Variants in GLDC observed in about 807,000 individuals in gnomAD.
GLDC encodes glycine decarboxylase.
In GLDC, 104 loss-of-function variants were observed where a neutral mutation model predicts 121.3. That is an observed-to-expected ratio of 0.86 (90% CI 0.73 to 1.01). The LOEUF is 1.01. GLDC is among the 50% of genes least tolerant of loss of function. The pLI is 0.00. For missense variants in GLDC, 1,429 were observed against 1,306.6 expected, an observed-to-expected ratio of 1.09 and a Z score of -1.44; for synonymous variants, 546 against 480.6, an observed-to-expected ratio of 1.14 and a Z score of -1.78.
chr9:6,538,986 T>A (rs1443908882), intron 22 of GLDC, among the ~76,000 whole-genome samples: 1 of 151,928 alleles, frequency 6.6e-6, no homozygotes, highest in Non-Finnish European at 1.5e-5. Context: ...AAGAGAGGAG[T>A]GAGTCACACA....
chr9:6,616,161 C>G (rs1298484546), intron 3 of GLDC, among the ~76,000 whole-genome samples: 1 of 152,164 alleles, frequency 6.6e-6, no homozygotes, highest in East Asian at 1.9e-4. Context: ...TCGTTTTCAT[C>G]TTTAAAAAAG....
intron 2 of GLDC, among the ~76,000 whole-genome samples, chr9:6,621,181 A>G (rs2129952092): frequency 6.6e-6 from 1 of 152,300 alleles, no homozygotes; most frequent in South Asian, 2.1e-4. Context: ...AAACAAAAAC[A>G]AAAGCAAAAA....
intron 21 of GLDC, among the ~76,000 whole-genome samples, chr9:6,543,404 T>C (rs1185979437): frequency 6.6e-6 from 1 of 152,158 alleles, no homozygotes; most frequent in African/African-American, 2.4e-5. Context: ...GGAGGCACTC[T>C]TGCTGGCAGC....
At chr9:6,564,234 C>A (rs1424369665) in intron 16 of GLDC, among the ~76,000 whole-genome samples, 4 of 146,190 alleles carry the variant, frequency 2.7e-5, no homozygotes, top group African/African-American at 1.0e-4. Flanking sequence ...GGGAACAGGG[C>A]GAGACTCCAT....
At position 6,587,240 on chromosome 9, in the gene GLDC, G is replaced by C; in HGVS notation, c.1751C>G (p.Pro584Arg). 6.2e-7 allele frequency: 1 copy of C among 1,613,926 alleles called. No individual in the cohort carries two copies. Among genetic ancestry groups the C allele is most frequent in the Non-Finnish European group, 8.5e-7 (1 of 1,179,844 alleles). Residue 584 changes from proline (P) to arginine (R), a missense_variant, in exon 15 of 25, where the codon CCT (proline) becomes CGT (arginine). Pro to Arg is a moderately radical substitution (Grantham distance 103). Coordinates refer to ENST00000321612, the MANE Select transcript of GLDC (RefSeq NM_000170.3). Reference protein sequence around the residue: ...KEFANIHPFVPLDQAQGYQQL... With the variant: ...KEFANIHPFVRLDQAQGYQQL... ...CTGATATCCTTGAGCTTGATCCAGA[G>C]GCACAAAGGGGTGGATGTTTGCAAA...
chr9:6,550,763 A>C lies in GLDC; in HGVS notation c.2569+40T>G, dbSNP rs776307635. 8 of 1,407,448 alleles carry C rather than the reference A, an allele frequency of 5.7e-6. No homozygotes were observed. In the South Asian group the frequency reaches 9.2e-5, roughly 16 times the overall value. The allele number at this position is 1,407,448 out of a possible 1,614,324, so 87.2% of individuals were successfully genotyped here. On this transcript the variant is annotated intron_variant, in intron 21 of 24. Coordinates refer to ENST00000321612, the MANE Select transcript of GLDC (RefSeq NM_000170.3). ...CTAGGTCAAACTTAGTTTGGCCAAGAAAAAAACCAAAGTAATGATAGATTA... is the reference window on the plus strand; with the variant it reads ...CTAGGTCAAACTTAGTTTGGCCAAGCAAAAAACCAAAGTAATGATAGATTA...
intron 17 of GLDC, chr9:6,557,631 A>C (rs956010170): frequency 1.0e-5 from 1 of 99,798 alleles, no homozygotes; most frequent in African/African-American, 6.3e-5. Flanking sequence ...CAGGAATTGG[A>C]AAAAAAAAAA....
At chr9:6,586,544 G>T (rs540746655) in intron 15 of GLDC, among the ~76,000 whole-genome samples, 2 of 152,156 alleles carry the variant, frequency 1.3e-5, no homozygotes, top group Non-Finnish European at 2.9e-5. Context: ...CAGGATCCAG[G>T]TTCTCCTGGC....
chr9:6,600,102 C>T (rs748758762), intron 8 of GLDC, among the ~76,000 whole-genome samples: 1 of 152,166 alleles, frequency 6.6e-6, no homozygotes, highest in Non-Finnish European at 1.5e-5. Flanking sequence ...CACGGTGGCT[C>T]ATGCCTATAA....
intron 20 of GLDC, among the ~76,000 whole-genome samples, chr9:6,552,664 C>T (rs1817539381): frequency 6.6e-6 from 1 of 152,136 alleles, no homozygotes; most frequent in Admixed American, 6.5e-5. Flanking sequence ...AAGAGGGGCA[C>T]TGCTTTGGGG....
At position 6,587,249 on chromosome 9, in the gene GLDC, G is replaced by C. The variant is rs772871471; in HGVS notation, c.1742C>G (p.Pro581Arg). 5.0e-6 allele frequency: 8 copies of C among 1,613,882 alleles called. No homozygotes were observed. Among genetic ancestry groups the C allele is most frequent in the Admixed American group, 3.3e-5 (2 of 60,000 alleles). The change falls in exon 15 of 25, where the codon CCC becomes CGC. Residue 581 changes from proline (P) to arginine (R), a missense_variant. Transcript: ENST00000321612. ...TTGAGCTTGATCCAGAGGCACAAAG[G>C]GGTGGATGTTTGCAAATTCTTTCCA... ...ITWKEFANIH[P>R]FVPLDQAQGY... is the part of the protein sequence containing the mutation.
rs1587946274 is a variant in GLDC at position 6,587,194 on chromosome 9, C to T, written c.1797G>A (p.Glu599=). The part of the protein sequence containing the change: ...QGYQQLFREL[E]KDLCELTGYD... Reference sequence around the variant, plus strand: ...AACCTGTGAGTTCACACAAATCCTTCTCAAGCTCTCGGAAAAGCTGCTGAT... The same window carrying T: ...AACCTGTGAGTTCACACAAATCCTTTTCAAGCTCTCGGAAAAGCTGCTGAT... Residue 599 remains glutamate, a synonymous_variant, in exon 15 of 25, where the codon GAG becomes GAA. Transcript: ENST00000321612. 4 of 1,613,862 alleles carry T rather than the reference C, an allele frequency of 2.5e-6. No homozygotes were observed. In the South Asian group the frequency reaches 3.3e-5, roughly 13 times the overall value.
chr9:6,625,086 A>G (rs1431416969), intron 2 of GLDC, among the ~76,000 whole-genome samples: 1 of 152,130 alleles, frequency 6.6e-6, no homozygotes, highest in East Asian at 1.9e-4. Context: ...AATCGACCCC[A>G]ATAGCATCAT....
chr9:6,595,432 C>T (rs376269386), intron 8 of GLDC, among the ~76,000 whole-genome samples: 162 of 152,228 alleles, frequency 1.1e-3, no homozygotes, highest in Middle Eastern at 0.01. Context: ...CATTGAGAAG[C>T]AATGTTTAAT....
chr9:6,644,029 CAAAAAA>C (rs531081758), intron 2 of GLDC, among the ~76,000 whole-genome samples: 8 of 18,338 alleles, frequency 4.4e-4, no homozygotes, highest in African/African-American at 1.3e-3. Flanking sequence ...GATTCTGTCT[CAAAAAA>C]AAAAAAAAAA....
chr9:6,574,487 GA>G (rs1026128879), intron 15 of GLDC, among the ~76,000 whole-genome samples: 4 of 148,586 alleles, frequency 2.7e-5, no homozygotes, highest in South Asian at 2.1e-4. Flanking sequence ...ACAAAGAAAA[GA>G]AAAAAAAAGA....
intron 2 of GLDC, among the ~76,000 whole-genome samples, chr9:6,621,529 T>C (rs535895971): frequency 7.6e-4 from 116 of 152,022 alleles, no homozygotes; most frequent in Non-Finnish European, 1.4e-3. Flanking sequence ...TCCTTTTTTG[T>C]TTTTTTGAGA....
Position 6,589,193 on chromosome 9 carries a change from A to C in GLDC, c.1580+2T>G, listed in dbSNP as rs1554646710. On this transcript the variant is annotated splice_donor_variant, in intron 12 of 24. Transcript: ENST00000321612. LOFTEE classifies it high-confidence loss of function. Reference sequence around the variant, plus strand: ...CGCAGAAGTCACACAAGACACACAAACCTGTTGAACACTTGATGGGTGAGG... The same window carrying C: ...CGCAGAAGTCACACAAGACACACAACCCTGTTGAACACTTGATGGGTGAGG... The C allele has an allele frequency of 1.1e-5, 18 of 1,572,276 alleles. No homozygotes were observed. The highest frequency in any genetic ancestry group is 1.6e-5 in the Non-Finnish European group (18 of 1,141,926).
chr9:6,540,026 G>A (rs771633935), intron 22 of GLDC, 25 bp downstream of exon 22: 16 of 1,424,596 alleles, frequency 1.1e-5, no homozygotes, highest in Middle Eastern at 2.2e-4. Flanking sequence ...CATGGGCGGC[G>A]GCATGAATGT....
Sources: gnomAD v4.1 joint callset for allele counts (sites outside exome capture counted in the v4.1 genomes callset) on GRCh38, gnomAD v4.1.1 for gene constraint, MANE v1.5 for transcripts, NCBI Gene and HGNC (gene_info 2026-07-23, HGNC 2026-07-21) for gene names.